FSTL5: variants seen among roughly 807,000 people sequenced by gnomAD.
The protein encoded by FSTL5 is follistatin like 5.
Under a neutral mutation model 89.1 loss-of-function variants are expected in FSTL5, and 62 were observed. The ratio of observed to expected loss-of-function variants is 0.70; its 90% CI spans 0.57 to 0.86. FSTL5 has a LOEUF of 0.86. Ranked by LOEUF, FSTL5 falls within the 40% of genes least tolerant of loss-of-function variation. The pLI, the probability that FSTL5 is intolerant of heterozygous loss-of-function variation, is 0.00. For synonymous variants in FSTL5, 383 were observed against 346.2 expected (o/e 1.11, Z -1.18); for missense variants, 1,057 against 1,001.6 (o/e 1.06, Z -0.75).
In FSTL5 at chr4:161,779,736, T is replaced by A. The variant is rs1351411924; in HGVS notation, c.410-3662A>T. ...TTAAATATTTCATGAATTCTGTAAT[T>A]TGTCCAAGGATTATTTGTAAAGTTA... On this transcript the variant is annotated intron_variant, in intron 4 of 15. Transcript: ENST00000306100. Among the ~76,000 whole-genome samples, 4 of 104,388 alleles carry A rather than the reference T, an allele frequency of 3.8e-5. No individual in the cohort carries two copies. The East Asian group carries it at 1.1e-3, about 29-fold the overall frequency. 68.5% of individuals were successfully genotyped at this position (104,388 alleles called of 152,430 possible).
rs929325633 is a variant in FSTL5 at position 161,544,139 on chromosome 4, TA to T, written c.1016-1447del. 6.6e-5 allele frequency among the ~76,000 whole-genome samples: 10 copies of T among 151,616 alleles called. No homozygotes were observed. The South Asian group carries it at 8.3e-4, about 13-fold the overall frequency. On this transcript the variant is annotated intron_variant, in intron 8 of 15. Coordinates refer to ENST00000306100, the MANE Select transcript of FSTL5 (RefSeq NM_020116.5). ...TAAGCATATGAAAAGATTAAAAAAT[TA>T]AAAAAAATCAAAAAGAGGGAAATGC...
chr4:161,441,649 G>C (rs1275197674), intron 15 of FSTL5, among the ~76,000 whole-genome samples: 1 of 152,052 alleles, frequency 6.6e-6, no homozygotes, highest in East Asian at 1.9e-4. Flanking sequence ...AGCAATTTAG[G>C]AGATTTAAAA....
At chr4:162,004,155 T>A (rs561979227) in intron 3 of FSTL5, among the ~76,000 whole-genome samples, 2 of 152,194 alleles carry the variant, frequency 1.3e-5, no homozygotes, top group Non-Finnish European at 2.9e-5. Flanking sequence ...TCCCTATTCA[T>A]ATGGATATCA....
chr4:161,498,099 T>C (rs1270922594), intron 12 of FSTL5, among the ~76,000 whole-genome samples: 2 of 151,852 alleles, frequency 1.3e-5, no homozygotes, highest in Non-Finnish European at 2.9e-5. Context: ...TATACATATA[T>C]ATGTATACAT....
intron 3 of FSTL5, among the ~76,000 whole-genome samples, chr4:161,975,911 C>T (rs542734653): frequency 2.7e-5 from 4 of 150,816 alleles, no homozygotes; most frequent in Non-Finnish European, 5.9e-5. Context: ...GCCAGGAGAC[C>T]GAGACCATCC....
intron 4 of FSTL5, among the ~76,000 whole-genome samples, chr4:161,791,000 T>C (rs2314257): frequency 0.99 from 150,303 of 152,202 alleles, 74,234 homozygotes; most frequent in East Asian, 1. Flanking sequence ...TTGAAAGATC[T>C]AGATCTAGAG....
At chr4:161,872,739 C>T (rs749295198) in intron 4 of FSTL5, among the ~76,000 whole-genome samples, 7 of 152,100 alleles carry the variant, frequency 4.6e-5, no homozygotes, top group Non-Finnish European at 8.8e-5. Flanking sequence ...AAAGAATATA[C>T]AGATGTCTGC....
At chr4:161,851,298 A>G (rs1731541359) in intron 4 of FSTL5, among the ~76,000 whole-genome samples, 1 of 152,182 alleles carries the variant, frequency 6.6e-6, no homozygotes, top group Admixed American at 6.6e-5. Flanking sequence ...ACTGTCTCAG[A>G]AGATTTTTAC....
chr4:161,756,727 G>A (rs187787207), intron 6 of FSTL5, among the ~76,000 whole-genome samples: 2 of 152,166 alleles, frequency 1.3e-5, no homozygotes, highest in Admixed American at 1.3e-4. Context: ...ATAGGGCCAG[G>A]GATTGCTTTT....
intron 6 of FSTL5, among the ~76,000 whole-genome samples, chr4:161,724,716 C>G (rs1378086221): frequency 6.6e-6 from 1 of 152,120 alleles, no homozygotes; most frequent in Non-Finnish European, 1.5e-5. Flanking sequence ...TAAAGATATA[C>G]CCTTGCTAAA....
At chr4:161,927,619 A>C (rs1482833845) in intron 3 of FSTL5, among the ~76,000 whole-genome samples, 1 of 151,758 alleles carries the variant, frequency 6.6e-6, no homozygotes, top group Non-Finnish European at 1.5e-5. Context: ...CTAGTAAATT[A>C]TCTTTTTACA....
chr4:161,940,381 C>T (rs1872068), intron 3 of FSTL5, among the ~76,000 whole-genome samples: 68,743 of 151,276 alleles, frequency 0.45, 16,603 homozygotes, highest in Non-Finnish European at 0.53. Context: ...TGAAAAATAA[C>T]AAGCAAAATC....
intron 7 of FSTL5, among the ~76,000 whole-genome samples, chr4:161,609,111 T>C (rs920879414): frequency 2.0e-5 from 3 of 152,068 alleles, no homozygotes; most frequent in South Asian, 2.1e-4. Context: ...TACATGAAGG[T>C]AGATGCTGTT....
In FSTL5 at chr4:161,454,989, C is replaced by T. The variant is rs373226824; in HGVS notation, c.1841+15G>A. The stretch of plus-strand genomic sequence containing the variant: ...ACAAATCTTTAAAAAGTTGATCACT[C>T]AACTTAGCACTTACCTCATATGGGT... On this transcript the variant is annotated intron_variant, in intron 15 of 15. Transcript: ENST00000306100. 2,008 of 1,610,848 alleles carry T rather than the reference C, an allele frequency of 1.2e-3. 4 individuals are homozygous for T. Among genetic ancestry groups the T allele is most frequent in the Non-Finnish European group, 1.6e-3 (1,903 of 1,178,208 alleles).
intron 15 of FSTL5, among the ~76,000 whole-genome samples, chr4:161,407,896 G>T (rs1731441800): frequency 6.6e-6 from 1 of 152,158 alleles, no homozygotes; most frequent in Admixed American, 6.5e-5. Flanking sequence ...ACCACAGAAA[G>T]AACCCAGTCC....
chr4:161,473,229 A>G (rs985775122), intron 13 of FSTL5, among the ~76,000 whole-genome samples: 1 of 152,090 alleles, frequency 6.6e-6, no homozygotes, highest in African/African-American at 2.4e-5. Flanking sequence ...ATTTCTATCA[A>G]TTATTGACAG....
intron 2 of FSTL5, among the ~76,000 whole-genome samples, chr4:162,055,084 T>C (rs982305151): frequency 6.6e-6 from 1 of 151,854 alleles, no homozygotes; most frequent in African/African-American, 2.4e-5. Flanking sequence ...TGCTTGGTTA[T>C]AGAAAAGGGT....
At chr4:161,537,649 C>G (rs1292754356) in intron 10 of FSTL5, among the ~76,000 whole-genome samples, 4 of 152,114 alleles carry the variant, frequency 2.6e-5, no homozygotes, top group African/African-American at 4.8e-5. Flanking sequence ...TAGCACTAAA[C>G]CAAGAACAGC....
At chr4:162,037,882 A>G (rs1008205261) in intron 2 of FSTL5, among the ~76,000 whole-genome samples, 1 of 151,958 alleles carries the variant, frequency 6.6e-6, no homozygotes, top group Non-Finnish European at 1.5e-5. Flanking sequence ...TTAATGTTAC[A>G]TTATTCACAA....
Sources: gnomAD v4.1 joint callset for allele counts (sites outside exome capture counted in the v4.1 genomes callset) on GRCh38, gnomAD v4.1.1 for gene constraint, MANE v1.5 for transcripts, NCBI Gene and HGNC (gene_info 2026-07-23, HGNC 2026-07-21) for gene names.